SLCO1A2: variants seen among roughly 807,000 people sequenced by gnomAD.
SLCO1A2 encodes OATP-1.
A neutral mutation model predicts 69.0 loss-of-function variants in SLCO1A2; 67 were observed. That is an observed-to-expected ratio of 0.97 (90% CI 0.80 to 1.19). SLCO1A2 has a LOEUF of 1.19. SLCO1A2 is among the 50% of genes most tolerant of loss of function. SLCO1A2 has a pLI of 0.00. For missense variants in SLCO1A2, 787 were observed against 793.7 expected (o/e 0.99, Z 0.10); for synonymous variants, 260 against 265.9 (o/e 0.98, Z 0.22).
At chr12:21,320,055 T>A (rs1187214594) in intron 2 of SLCO1A2, among the ~76,000 whole-genome samples, 2 of 152,104 alleles carry the variant, frequency 1.3e-5, no homozygotes, top group African/African-American at 4.8e-5. Flanking sequence ...CCATAGAGAT[T>A]TTTGCTTGGT....
rs534910521 is a variant in SLCO1A2 at position 21,297,537 on chromosome 12, G to A, written c.942C>T (p.Cys314=). Residue 314 remains cysteine, a synonymous_variant, in exon 9 of 15, where the codon TGC becomes TGT. Coordinates refer to ENST00000683939, the MANE Select transcript of SLCO1A2 (RefSeq NM_001386879.1). ...GTATGAAAAGCATATAAATTGGATT[G>A]CAGGAAAGACTTTTCATGAAAGGTA... ...DFLPFMKSLS[C]NPIYMLFILV... is the part of the protein sequence containing the mutation. 1.3e-6 allele frequency: 2 copies of A among 1,585,738 alleles called. No individual in the cohort carries two copies. The highest frequency in any genetic ancestry group is 8.6e-7 in the Non-Finnish European group (1 of 1,161,296).
chr12:21,314,797 G>A, intron 3 of SLCO1A2, 116 bp from the exon 4 acceptor site: 1 of 775,276 alleles, frequency 1.3e-6, no homozygotes, highest in Non-Finnish European at 2.1e-6. Context: ...TTAAATACTT[G>A]GATTTGTGCT....
chr12:21,350,691 G>C (rs11045993), intron 2 of SLCO1A2, among the ~76,000 whole-genome samples: 13 of 151,660 alleles, frequency 8.6e-5, no homozygotes, highest in African/African-American at 2.7e-4. Context: ...AAAAAAATTA[G>C]CCGGGCGTGG....
intron 1 of SLCO1A2, among the ~76,000 whole-genome samples, chr12:21,385,049 A>T (rs965831400): frequency 6.6e-6 from 1 of 151,720 alleles, no homozygotes; most frequent in African/African-American, 2.4e-5. Context: ...ACAGGCGTGA[A>T]CCACTTCGCC....
intron 9 of SLCO1A2, among the ~76,000 whole-genome samples, chr12:21,296,694 C>G (rs1253713360): frequency 2.6e-5 from 4 of 152,168 alleles, no homozygotes; most frequent in Non-Finnish European, 5.9e-5. Flanking sequence ...TAGGTTCCAT[C>G]TATACAATGT....
At chr12:21,406,136 T>G (rs921513761) in intron 1 of SLCO1A2, among the ~76,000 whole-genome samples, 3 of 152,224 alleles carry the variant, frequency 2.0e-5, no homozygotes, top group African/African-American at 7.2e-5. Flanking sequence ...TTTGCTAGGT[T>G]GAATGAGTAG....
At chr12:21,317,738 A>AT (rs1428517815) in intron 3 of SLCO1A2, among the ~76,000 whole-genome samples, 7 of 152,180 alleles carry the variant, frequency 4.6e-5, no homozygotes, top group South Asian at 4.1e-4. Context: ...CTCAATCCTG[A>AT]TTTTTTAAAT....
chr12:21,373,361 C>T, intron 2 of SLCO1A2: 1 of 1,612,364 alleles, frequency 6.2e-7, no homozygotes, highest in Non-Finnish European at 8.5e-7. Context: ...AATGGGCATC[C>T]TGAAGCTGCA....
In SLCO1A2 at chr12:21,304,432, T is replaced by C. The variant is rs1949098074; in HGVS notation, c.584A>G (p.Tyr195Cys). ...DFAKFENSPL[Y>C]IGLVETGAII... ...AGGTAGATTTCCATACTTACCAATA[T>C]ATAAAGGAGAATTTTCAAATTTGGC... Residue 195 changes from tyrosine (Y) to cysteine (C), a missense_variant, in exon 6 of 15, where the codon TAT (tyrosine) becomes TGT (cysteine). Coordinates refer to ENST00000683939, the MANE Select transcript of SLCO1A2 (RefSeq NM_001386879.1). 5.6e-6 allele frequency: 9 copies of C among 1,606,540 alleles called. No individual in the cohort carries two copies. In the South Asian group the frequency reaches 8.8e-5, roughly 16 times the overall value.
intron 1 of SLCO1A2, among the ~76,000 whole-genome samples, chr12:21,411,280 C>T (rs1343931526): frequency 6.6e-6 from 1 of 152,114 alleles, no homozygotes; most frequent in Non-Finnish European, 1.5e-5. Context: ...AATCTTTAAT[C>T]TACCTGGAGT....
chr12:21,297,792 C>G (rs1212325681), intron 8 of SLCO1A2, among the ~76,000 whole-genome samples: 3 of 152,184 alleles, frequency 2.0e-5, no homozygotes, highest in Non-Finnish European at 4.4e-5. Context: ...CAGAACACAA[C>G]AGTTTTGCCC....
chr12:21,330,482 C>A (rs1952544221), intron 2 of SLCO1A2, among the ~76,000 whole-genome samples: 1 of 151,968 alleles, frequency 6.6e-6, no homozygotes, highest in African/African-American at 2.4e-5. Context: ...GCACTCCAGC[C>A]TGGGTGACAG....
At chr12:21,378,648 G>T (rs1014673746) in intron 1 of SLCO1A2, 32 of 476,386 alleles carry the variant, frequency 6.7e-5, no homozygotes, top group African/African-American at 5.8e-4. Context: ...CTATAGATTT[G>T]TATTTTAAAA....
intron 2 of SLCO1A2, among the ~76,000 whole-genome samples, chr12:21,326,980 G>A (rs540595093): frequency 2.0e-5 from 3 of 152,248 alleles, no homozygotes; most frequent in African/African-American, 7.2e-5. Flanking sequence ...AGACAATGGG[G>A]AAAATGTCTC....
At chr12:21,384,237 G>A (rs550975345) in intron 1 of SLCO1A2, among the ~76,000 whole-genome samples, 4 of 152,106 alleles carry the variant, frequency 2.6e-5, no homozygotes, top group Non-Finnish European at 2.9e-5. Flanking sequence ...TCACAAAAGC[G>A]GGTACAAAAC....
chr12:21,309,706 T>C (rs1005068696), intron 4 of SLCO1A2, among the ~76,000 whole-genome samples: 1 of 151,488 alleles, frequency 6.6e-6, no homozygotes, highest in Non-Finnish European at 1.5e-5. Flanking sequence ...CAAAAACAAG[T>C]GAAGAGGAAA....
Position 21,266,947 on chromosome 12 carries a change from TTAAG to T in SLCO1A2, c.*2597_*2600del, listed in dbSNP as rs1334663731. On this transcript the variant is annotated 3_prime_UTR_variant, in exon 15 of 15. Coordinates refer to ENST00000683939, the MANE Select transcript of SLCO1A2 (RefSeq NM_001386879.1). ...TGTATTAAGTAAGATCCCCACAATATTAAGTAAGAAAATTACTGACTCTCGACTT... is the reference window on the plus strand; with the variant it reads ...TGTATTAAGTAAGATCCCCACAATATTAAGAAAATTACTGACTCTCGACTT... The T allele has an allele frequency of 2.0e-5, 3 of 152,108 alleles. No homozygotes were observed. Among genetic ancestry groups the T allele is most frequent in the East Asian group, 1.9e-4 (1 of 5,194 alleles). 9.4% of individuals were successfully genotyped at this position (152,108 alleles called of 1,614,324 possible).
At position 21,318,801 on chromosome 12, in the gene SLCO1A2, A is replaced by G; in HGVS notation, c.183T>C (p.Ile61=). The change falls in exon 3 of 15, where the codon ATT becomes ATC. Residue 61 remains isoleucine (I), a synonymous_variant. Transcript: ENST00000683939. The part of the protein sequence containing the change: ...FNIPTSLVGF[I]NGSFEIGNLL... ...CATTACCAATCTCAAAGCTTCCATT[A>G]ATGAATCCAACTAGAGATGTTGGGA... 1 of 1,598,064 alleles carries G rather than the reference A, an allele frequency of 6.3e-7. No individual in the cohort carries two copies. Among genetic ancestry groups the G allele is most frequent in the Non-Finnish European group, 8.5e-7 (1 of 1,175,752 alleles).
upstream of SLCO1A2, among the ~76,000 whole-genome samples, chr12:21,397,875 T>A (rs1251343560): frequency 9.4e-6 from 1 of 105,918 alleles, no homozygotes; most frequent in African/African-American, 3.7e-5. Flanking sequence ...TTCAAAGCAG[T>A]GTGTAGAGGG....
Sources: gnomAD v4.1 joint callset for allele counts (sites outside exome capture counted in the v4.1 genomes callset) on GRCh38, gnomAD v4.1.1 for gene constraint, MANE v1.5 for transcripts, NCBI Gene and HGNC (gene_info 2026-07-23, HGNC 2026-07-21) for gene names.